The following FBXL13 variants were observed in gnomAD, a reference collection of about 807,000 sequenced individuals.
The protein encoded by FBXL13 is F-box and leucine-rich repeat protein 13.
A neutral mutation model predicts 83.6 loss-of-function variants in FBXL13; 67 were observed. That is an observed-to-expected ratio of 0.80 (90% CI 0.66 to 0.98). The LOEUF is 0.98. Among genes scored for constraint, FBXL13 ranks in the 50% least tolerant of loss-of-function variants. The pLI, the probability that FBXL13 is intolerant of heterozygous loss-of-function variation, is 0.00. For missense variants in FBXL13, 822 were observed against 866.5 expected, an observed-to-expected ratio of 0.95 and a Z score of 0.64; for synonymous variants, 272 against 299.5, an observed-to-expected ratio of 0.91 and a Z score of 0.95.
chr7:103,008,287 C>G (rs144196300), intron 6 of FBXL13, among the ~76,000 whole-genome samples: 1 of 152,100 alleles, frequency 6.6e-6, no homozygotes, highest in East Asian at 1.9e-4. Context: ...CAAGGAGACA[C>G]GACAACCAAT....
intron 18 of FBXL13, among the ~76,000 whole-genome samples, chr7:102,826,408 G>A (rs1040036781): frequency 1.3e-5 from 2 of 151,904 alleles, no homozygotes; most frequent in African/African-American, 4.8e-5. Context: ...TTAAACCCCT[G>A]AACTGTGGGA....
chr7:102,890,432 T>G (rs747072206), intron 11 of FBXL13, among the ~76,000 whole-genome samples: 12 of 152,200 alleles, frequency 7.9e-5, no homozygotes, highest in Non-Finnish European at 1.6e-4. Context: ...GTTGAGGAAC[T>G]TGGCCTCACC....
At chr7:103,027,321 A>C in intron 5 of FBXL13, 128 bp downstream of exon 6, 1 of 623,996 alleles carries the variant, frequency 1.6e-6, no homozygotes, top group Non-Finnish European at 2.7e-6. Context: ...AAAAAAAAAC[A>C]AGAATCCCAT....
chr7:102,951,412 T>TA (rs930676661), intron 8 of FBXL13, among the ~76,000 whole-genome samples: 318 of 149,264 alleles, frequency 2.1e-3, no homozygotes, highest in African/African-American at 6.5e-3. Flanking sequence ...AAAGTTAATT[T>TA]AAAAAAAAAC....
chr7:102,981,096 C>T (rs1394008617), intron 6 of FBXL13, among the ~76,000 whole-genome samples: 1 of 152,010 alleles, frequency 6.6e-6, no homozygotes, highest in Non-Finnish European at 1.5e-5. Flanking sequence ...AGTTTTGTAC[C>T]TACTGTACTT....
At chr7:103,043,678 A>AT (rs1412889422) in intron 2 of FBXL13, among the ~76,000 whole-genome samples, 1 of 151,740 alleles carries the variant, frequency 6.6e-6, no homozygotes, top group South Asian at 2.1e-4. Context: ...TGCCCAACTA[A>AT]TTTTTTTGCA....
downstream of FBXL13, among the ~76,000 whole-genome samples, chr7:102,813,065 A>G (rs1042314723): frequency 4.7e-5 from 7 of 150,070 alleles, no homozygotes; most frequent in Non-Finnish European, 8.9e-5. Context: ...CTGGTCTTGA[A>G]CTCCTGACTT....
intron 8 of FBXL13, among the ~76,000 whole-genome samples, chr7:102,962,212 G>A (rs1825339593): frequency 6.6e-6 from 1 of 151,738 alleles, no homozygotes. Context: ...AGACATTTAT[G>A]CAGCCAAAAA....
chr7:102,988,550 G>A (rs912785202), intron 6 of FBXL13: 2 of 152,282 alleles, frequency 1.3e-5, no homozygotes, highest in African/African-American at 4.8e-5. Context: ...GGGCAGAAAT[G>A]TAGAACGGTA....
chr7:103,067,903 TAA>T (rs1230751013), intron 1 of FBXL13, among the ~76,000 whole-genome samples: 1 of 152,142 alleles, frequency 6.6e-6, no homozygotes, highest in Non-Finnish European at 1.5e-5. Context: ...AATAAGGACA[TAA>T]GAGTAATATT....
chr7:103,067,612 T>A (rs1239876087), intron 1 of FBXL13, among the ~76,000 whole-genome samples: 1 of 152,208 alleles, frequency 6.6e-6, no homozygotes, highest in African/African-American at 2.4e-5. Context: ...TACACATAGA[T>A]GTTCTACCTG....
At chr7:103,018,142 A>G (rs1792613631) in intron 6 of FBXL13, among the ~76,000 whole-genome samples, 1 of 152,230 alleles carries the variant, frequency 6.6e-6, no homozygotes, top group Non-Finnish European at 1.5e-5. Flanking sequence ...GAAATTCTAC[A>G]AGCCAGAAGA....
chr7:102,914,634 T>A (rs903302568), intron 10 of FBXL13, among the ~76,000 whole-genome samples: 4 of 152,190 alleles, frequency 2.6e-5, no homozygotes, highest in Non-Finnish European at 5.9e-5. Context: ...GATATAATGA[T>A]TTGCATGCCA....
intron 2 of FBXL13, among the ~76,000 whole-genome samples, chr7:103,036,946 A>G (rs1038226960): frequency 6.6e-6 from 1 of 152,238 alleles, no homozygotes; most frequent in Non-Finnish European, 1.5e-5. Context: ...TTTCTTAAAC[A>G]TGTTCATGTT....
intron 8 of FBXL13, among the ~76,000 whole-genome samples, chr7:102,943,474 A>G (rs1393205468): frequency 1.3e-5 from 2 of 152,236 alleles, no homozygotes; most frequent in African/African-American, 2.4e-5. Flanking sequence ...TTTACAGTGA[A>G]GAAATATAAT....
At chr7:103,059,309 G>A (rs1797634717) in intron 1 of FBXL13, among the ~76,000 whole-genome samples, 1 of 151,658 alleles carries the variant, frequency 6.6e-6, no homozygotes, top group South Asian at 2.1e-4. Context: ...AAATCTCACT[G>A]TTTGTCTTTT....
chr7:103,060,042 ATATATATATATATATATATATAC>A (rs1398638668), intron 1 of FBXL13, among the ~76,000 whole-genome samples: 14 of 99,652 alleles, frequency 1.4e-4, no homozygotes, highest in East Asian at 1.0e-3. Flanking sequence ...ATATATATAT[ATATATATATATATATATATATAC>A]TTTTTTTTTT....
intron 1 of FBXL13, among the ~76,000 whole-genome samples, chr7:103,061,010 G>A (rs1489174825): frequency 6.6e-6 from 1 of 152,116 alleles, no homozygotes. Context: ...TGAAAATAAA[G>A]GGGCTTTTAT....
At chr7:103,059,813 T>G (rs568385447) in intron 1 of FBXL13, among the ~76,000 whole-genome samples, 12 of 151,922 alleles carry the variant, frequency 7.9e-5, no homozygotes, top group African/African-American at 2.9e-4. Flanking sequence ...AGCAAGATAA[T>G]GCAAAGGGTG....
Sources: allele counts gnomAD v4.1 joint callset (sites outside exome capture counted in the v4.1 genomes callset), GRCh38; gene constraint gnomAD v4.1.1; transcripts MANE v1.5; gene names NCBI Gene and HGNC (gene_info 2026-07-23, HGNC 2026-07-21).